The following SAMD5 variants were observed in gnomAD, a reference collection of about 807,000 sequenced individuals.
SAMD5 encodes the protein sterile alpha motif domain containing 5.
Under a neutral mutation model 11.3 loss-of-function variants are expected in SAMD5, and 13 were observed. The observed-to-expected ratio is 1.15, with a 90% CI of 0.75 to 1.83. SAMD5 has a LOEUF of 1.83. SAMD5 is among the 40% of genes most tolerant of loss of function. The probability of loss-of-function intolerance (pLI) is 0.00; values close to 1 mark genes in which losing one functional copy is unlikely to be tolerated. For synonymous variants in SAMD5, 129 were observed against 111.3 expected (o/e 1.16, Z -1.00); for missense variants, 255 against 239.1 (o/e 1.07, Z -0.44).
At chr6:147,699,042 T>TTAGA (rs1791217207) in intron 1 of SAMD5, among the ~76,000 whole-genome samples, 1 of 152,110 alleles carries the variant, frequency 6.6e-6, no homozygotes, top group Non-Finnish European at 1.5e-5. Flanking sequence ...TAGAGGAGGT[T>TTAGA]GGAGGCTCAG....
intron 1 of SAMD5, among the ~76,000 whole-genome samples, chr6:147,609,101 C>T (rs997396156): frequency 6.6e-6 from 1 of 152,050 alleles, no homozygotes; most frequent in Non-Finnish European, 1.5e-5. Flanking sequence ...CTGTGTTCCC[C>T]CACCCCTAAT....
chr6:147,890,142 C>T, the SAMD5 span, among the ~76,000 whole-genome samples: 3 of 151,568 alleles, frequency 2.0e-5, no homozygotes, highest in African/African-American at 4.8e-5. Context: ...TAAAGACAAA[C>T]GTGAGATTGA....
Position 147,587,190 on chromosome 6 carries a change from T to G in SAMD5, c.162+77803T>G, listed in dbSNP as rs142414195. Among the ~76,000 whole-genome samples the G allele has an allele frequency of 2.6e-5, 4 of 152,248 alleles. No individual in the cohort carries two copies. The East Asian group carries it at 7.7e-4, about 29-fold the overall frequency. ...CTATATTCTCAGCACCTAGAGCAAT[T>G]GTAATTCCTGCTAAAAATATTTTTT... On this transcript the variant is annotated intron_variant, in intron 1 of 1. Transcript: ENST00000566741.
At chr6:147,537,521 G>A (rs1262029668) in intron 1 of SAMD5, among the ~76,000 whole-genome samples, 1 of 152,138 alleles carries the variant, frequency 6.6e-6, no homozygotes, top group African/African-American at 2.4e-5. Flanking sequence ...GGGAGGCCGA[G>A]GCGGGCGGAA....
chr6:147,807,305 G>A, the SAMD5 span, among the ~76,000 whole-genome samples: 13 of 152,038 alleles, frequency 8.6e-5, no homozygotes, highest in Non-Finnish European at 1.5e-4. Flanking sequence ...GGGTTACAGC[G>A]TGTTAGCCAG....
the SAMD5 span, among the ~76,000 whole-genome samples, chr6:147,785,001 C>T: frequency 6.6e-6 from 1 of 152,068 alleles, no homozygotes; most frequent in Admixed American, 6.6e-5. Context: ...AATGAATTCT[C>T]TAAGTAGATT....
In SAMD5 at chr6:147,570,008, C is replaced by T. The variant is rs757543337; in HGVS notation, c.*5552C>T. 42 of 985,144 alleles carry T rather than the reference C, an allele frequency of 4.3e-5. No homozygotes were observed. The highest frequency in any genetic ancestry group is 5.1e-5 in the Non-Finnish European group (42 of 829,792). The allele number at this position is 985,144 out of a possible 1,614,324, so 61.0% of individuals were successfully genotyped here. ...TATGTCCGCTCTTCAATAAATGTTA[C>T]GGCTTTCACAGCGGTTCCGCCTTGG... On this transcript the variant is annotated 3_prime_UTR_variant, in exon 2 of 2. Transcript: ENST00000367474.
chr6:147,721,517 A>G (rs960329258), intron 1 of SAMD5, among the ~76,000 whole-genome samples: 1 of 152,130 alleles, frequency 6.6e-6, no homozygotes, highest in African/African-American at 2.4e-5. Flanking sequence ...GTGTCTGTTC[A>G]TATCCTTTGC....
chr6:147,936,604 G>A, the SAMD5 span, among the ~76,000 whole-genome samples: 11 of 152,158 alleles, frequency 7.2e-5, no homozygotes, highest in Admixed American at 1.3e-4. Flanking sequence ...TCCAATACTG[G>A]GGATTTCAAT....
intron 1 of SAMD5, among the ~76,000 whole-genome samples, chr6:147,592,843 A>C (rs1789475581): frequency 6.6e-6 from 1 of 152,150 alleles, no homozygotes; most frequent in South Asian, 2.1e-4. Flanking sequence ...AGCTATTACC[A>C]ACATTCTTTT....
chr6:147,840,611 A>C, the SAMD5 span, among the ~76,000 whole-genome samples: 1 of 152,252 alleles, frequency 6.6e-6, no homozygotes, highest in East Asian at 1.9e-4. Context: ...TAGTAGTGGA[A>C]GAGCAAAGGA....
intron 1 of SAMD5, among the ~76,000 whole-genome samples, chr6:147,595,350 A>G (rs1172096367): frequency 2.0e-5 from 3 of 152,160 alleles, no homozygotes; most frequent in Non-Finnish European, 2.9e-5. Flanking sequence ...TTACACCATT[A>G]GTTTGAAACT....
At chr6:147,890,043 C>T in the SAMD5 span, among the ~76,000 whole-genome samples, 1 of 152,160 alleles carries the variant, frequency 6.6e-6, no homozygotes, top group African/African-American at 2.4e-5. Context: ...AGACAGTAGG[C>T]TGGGGCTATC....
the SAMD5 span, among the ~76,000 whole-genome samples, chr6:147,816,097 G>A: frequency 2.0e-5 from 3 of 151,124 alleles, no homozygotes; most frequent in African/African-American, 7.3e-5. Flanking sequence ...TGGCTAACGT[G>A]GTGAAACCCC....
chr6:147,851,732 T>C, the SAMD5 span, among the ~76,000 whole-genome samples: 1 of 152,278 alleles, frequency 6.6e-6, no homozygotes, highest in African/African-American at 2.4e-5. Context: ...ATATTTACTA[T>C]CCAGAGAGTA....
chr6:147,754,367 A>G, the SAMD5 span, among the ~76,000 whole-genome samples: 2 of 120,862 alleles, frequency 1.7e-5, no homozygotes, highest in East Asian at 2.2e-4. Flanking sequence ...TTTTTTTGAG[A>G]AATGTCTACT....
At chr6:147,515,614 A>G (rs942326901) in intron 1 of SAMD5, among the ~76,000 whole-genome samples, 47 of 151,494 alleles carry the variant, frequency 3.1e-4, no homozygotes, top group African/African-American at 1.1e-3. Context: ...CCATTTATCC[A>G]TCTATCCATC....
At chr6:147,516,420 T>G (rs1160178086) in intron 1 of SAMD5, among the ~76,000 whole-genome samples, 1 of 152,166 alleles carries the variant, frequency 6.6e-6, no homozygotes, top group Non-Finnish European at 1.5e-5. Context: ...TGCTCCATAC[T>G]AGGTCACTGT....
At chr6:147,540,338 G>T (rs1013582172) in intron 1 of SAMD5, among the ~76,000 whole-genome samples, 5 of 152,200 alleles carry the variant, frequency 3.3e-5, no homozygotes, top group Admixed American at 6.5e-5. Flanking sequence ...CTCCCAGAAG[G>T]AGCCTAGAGA....
Sources: gnomAD v4.1 joint callset for allele counts (sites outside exome capture counted in the v4.1 genomes callset) on GRCh38, gnomAD v4.1.1 for gene constraint, MANE v1.5 for transcripts, NCBI Gene and HGNC (gene_info 2026-07-23, HGNC 2026-07-21) for gene names.